Variants in RAD51AP2 observed in about 807,000 individuals in gnomAD.
RAD51AP2 encodes the protein RAD51 associated protein 2, also known as RAD51-associated protein 2.
RAD51AP2 carries 67 observed loss-of-function variants against 85.5 expected under a neutral mutation model. That is an observed-to-expected ratio of 0.78 (90% CI 0.64 to 0.96). The LOEUF is 0.96. Among genes scored for constraint, RAD51AP2 ranks in the 40% least tolerant of loss-of-function variants. The probability of loss-of-function intolerance (pLI) is 0.00; values close to 1 mark genes in which losing one functional copy is unlikely to be tolerated. For synonymous variants in RAD51AP2, 474 were observed against 446.5 expected (o/e 1.06, Z -0.78); for missense variants, 1,307 against 1,332.4 (o/e 0.98, Z 0.30).
At chr2:17,512,947 A>G (rs1195002763) in intron 2 of RAD51AP2, among the ~76,000 whole-genome samples, 1 of 152,248 alleles carries the variant, frequency 6.6e-6, no homozygotes, top group East Asian at 1.9e-4. Flanking sequence ...TCTACTGATT[A>G]CGAGAATGCA....
chr2:17,514,447 T>C (rs1033661285), intron 1 of RAD51AP2, among the ~76,000 whole-genome samples: 4 of 151,668 alleles, frequency 2.6e-5, no homozygotes, highest in African/African-American at 4.9e-5. Context: ...GAGGAAGAGG[T>C]TGATGAAACA....
In RAD51AP2 at chr2:17,510,766, C is replaced by T. The variant is rs1662467813; in HGVS notation, c.*38G>A. 2.2e-6 allele frequency: 3 copies of T among 1,386,906 alleles called. No homozygotes were observed. The highest frequency in any genetic ancestry group is 2.4e-5 in the Admixed American group (1 of 42,454). 85.9% of individuals were successfully genotyped at this position (1,386,906 alleles called of 1,614,324 possible). ...GAACATATATCCAAAGAAAACAAAACATTTCTAGATGTTGTAAAATGTTTT... is the reference window on the plus strand; with the variant it reads ...GAACATATATCCAAAGAAAACAAAATATTTCTAGATGTTGTAAAATGTTTT... On this transcript the variant is annotated 3_prime_UTR_variant, in exon 3 of 3. Transcript: ENST00000399080.
At position 17,517,456 on chromosome 2, in the gene RAD51AP2, T is replaced by C; in HGVS notation, c.960A>G (p.Glu320=). ...LQNDKKTVEA[E]NIFSKCYEND... ...TTTCATAACATTTGGAAAAAATGTT[T>C]TCCGCTTCTACAGTTTTTTTATCAT... Residue 320 remains glutamate (E), a synonymous_variant, in exon 1 of 3, where the codon GAA becomes GAG. Coordinates refer to ENST00000399080, the MANE Select transcript of RAD51AP2 (RefSeq NM_001099218.3). The C allele has an allele frequency of 6.2e-7, 1 of 1,613,980 alleles. No individual in the cohort carries two copies.
the RAD51AP2 span, among the ~76,000 whole-genome samples, chr2:17,524,277 T>C: frequency 6.6e-6 from 1 of 152,016 alleles, no homozygotes; most frequent in Non-Finnish European, 1.5e-5. Flanking sequence ...GCATCTATTA[T>C]TCAGCAAGCA....
chr2:17,526,062 T>C, the RAD51AP2 span, among the ~76,000 whole-genome samples: 1 of 151,750 alleles, frequency 6.6e-6, no homozygotes. Context: ...ATGCTAATTA[T>C]GATATTATAT....
chr2:17,518,567 C>T (rs1378064347), upstream of RAD51AP2: 32 of 907,976 alleles, frequency 3.5e-5, no homozygotes, highest in Admixed American at 4.4e-4. Flanking sequence ...ATCCGCCCCT[C>T]CACAGCCCCA....
At chr2:17,524,800 T>C in the RAD51AP2 span, among the ~76,000 whole-genome samples, 1 of 151,842 alleles carries the variant, frequency 6.6e-6, no homozygotes, top group Admixed American at 6.6e-5. Flanking sequence ...GTGAATGATA[T>C]AGAAAATAAG....
Position 17,510,719 on chromosome 2 carries a change from GC to G in RAD51AP2, c.*84del. The G allele has an allele frequency of 1.2e-6, 1 of 864,728 alleles. No homozygotes were observed. The highest frequency in any genetic ancestry group is 1.8e-5 in the African/African-American group (1 of 56,700). 53.6% of individuals were successfully genotyped at this position (864,728 alleles called of 1,614,324 possible). On this transcript the variant is annotated 3_prime_UTR_variant, in exon 3 of 3. Coordinates refer to ENST00000399080, the MANE Select transcript of RAD51AP2 (RefSeq NM_001099218.3). ...ACTTCTCCACTTTATAATAAAGCAA[GC>G]CCCAAACCCCCAAGCTGGAAGAACA... is the stretch of plus-strand genomic sequence containing the variant.
upstream of RAD51AP2, chr2:17,518,464 C>T (rs1662774196): frequency 1.9e-6 from 3 of 1,569,118 alleles, no homozygotes; most frequent in Non-Finnish European, 2.6e-6. Flanking sequence ...GCTCCAATCC[C>T]TTAATAGGCG....
Position 17,516,568 on chromosome 2 carries a change from C to A in RAD51AP2, c.1848G>T (p.Lys616Asn), listed in dbSNP as rs1197398298. Residue 616 changes from lysine to asparagine, a missense_variant, in exon 1 of 3, where the codon AAG becomes AAT. Lys to Asn is a moderately conservative substitution (Grantham distance 94). This residue lies in a region of RAD51AP2 where 668 missense variants were observed against 671.0 expected (regional missense o/e 1.00). Transcript: ENST00000399080. ...GATTTTCCACTATATTTTTTGGATA[C>A]TTCAAATAAAGCATGCACTTGAAAA... ...ECIFKCMLYL[K>N]YPKNIVENHT... 1 of 1,583,258 alleles carries A rather than the reference C, an allele frequency of 6.3e-7. No individual in the cohort carries two copies. Among genetic ancestry groups the A allele is most frequent in the Non-Finnish European group, 8.6e-7 (1 of 1,162,284 alleles).
At chr2:17,512,508 A>T (rs1204788749) in intron 2 of RAD51AP2, among the ~76,000 whole-genome samples, 1 of 152,214 alleles carries the variant, frequency 6.6e-6, no homozygotes, top group Admixed American at 6.5e-5. Flanking sequence ...GTGAAGGCAG[A>T]ATCACATTGT....
chr2:17,511,986 C>A (rs1662506125), intron 2 of RAD51AP2, among the ~76,000 whole-genome samples: 1 of 151,856 alleles, frequency 6.6e-6, no homozygotes, highest in South Asian at 2.1e-4. Flanking sequence ...AATAAGACAA[C>A]ATTGTTGGAT....
In RAD51AP2 at chr2:17,518,350, A is replaced by C. The variant is rs1040386158; in HGVS notation, c.66T>G (p.Pro22=). ...GTGGTTGGGAATCCGGGTCCTCAGG[A>C]GGCGTTAAAGAGGAGGTAGGCTTTC... The part of the protein sequence containing the change: ...ELRKPTSSLT[P]PEDPDSQPPS... Residue 22 remains proline, a synonymous_variant, in exon 1 of 3, where the codon CCT becomes CCG. Transcript: ENST00000399080. 1 of 1,613,756 alleles carries C rather than the reference A, an allele frequency of 6.2e-7. No homozygotes were observed. The highest frequency in any genetic ancestry group is 8.5e-7 in the Non-Finnish European group (1 of 1,179,890).
chr2:17,515,196 C>T lies in RAD51AP2; in HGVS notation c.3220G>A (p.Glu1074Lys). 6.3e-7 allele frequency: 1 copy of T among 1,581,638 alleles called. No homozygotes were observed. Among genetic ancestry groups the T allele is most frequent in the South Asian group, 1.2e-5 (1 of 84,428 alleles). ...ESCYPSRSEE[E>K]LLYSTSEKDC... ...TTCTCAGAAGTAGAGTAAAGTAATT[C>T]TTCCTCTGATCTACTTGGATAACAA... Residue 1074 changes from glutamate to lysine, a missense_variant, in exon 1 of 3, where the codon GAA becomes AAA. Around this residue, in one of 3 missense-constraint regions of RAD51AP2, gnomAD observed 668 missense variants for 671.0 expected, o/e 1.00. Transcript: ENST00000399080.
the RAD51AP2 span, among the ~76,000 whole-genome samples, chr2:17,529,428 T>A: frequency 6.6e-6 from 1 of 152,020 alleles, no homozygotes; most frequent in South Asian, 2.1e-4. Flanking sequence ...AAATTTCCAA[T>A]GGAATGTTAA....
chr2:17,528,493 C>T, the RAD51AP2 span, among the ~76,000 whole-genome samples: 11 of 152,072 alleles, frequency 7.2e-5, no homozygotes, highest in Admixed American at 3.9e-4. Context: ...ATTTTTACCA[C>T]GACCTTGGAA....
At chr2:17,528,797 T>C in the RAD51AP2 span, among the ~76,000 whole-genome samples, 1 of 152,136 alleles carries the variant, frequency 6.6e-6, no homozygotes, top group Non-Finnish European at 1.5e-5. Flanking sequence ...TGAGCCGTGA[T>C]TGTACCACTG....
chr2:17,534,265 C>G, the RAD51AP2 span, among the ~76,000 whole-genome samples: 1 of 152,122 alleles, frequency 6.6e-6, no homozygotes, highest in African/African-American at 2.4e-5. Context: ...GTTTCCTAAT[C>G]AAGAAAAACA....
rs1359417084 is a variant in RAD51AP2, at chr2:17,515,355, C to A, written c.3061G>T (p.Val1021Leu). The part of the protein sequence containing the change: ...MEIEKDLKMV[V>L]VNKIRASSSF... ...GAAGATGCACGTATTTTGTTGACCA[C>A]AACCATTTTCAAATCTTTTTCTATC... Residue 1021 changes from valine (V) to leucine (L), a missense_variant, in exon 1 of 3, where the codon GTG (valine) becomes TTG (leucine). By Grantham distance (32) the Val-to-Leu change is conservative (BLOSUM62 1). Coordinates refer to ENST00000399080, the MANE Select transcript of RAD51AP2 (RefSeq NM_001099218.3). 1 of 1,611,710 alleles carries A rather than the reference C, an allele frequency of 6.2e-7. No homozygotes were observed.
Sources: allele counts gnomAD v4.1 joint callset (sites outside exome capture counted in the v4.1 genomes callset), GRCh38; gene constraint gnomAD v4.1.1; regional missense constraint gnomAD v4.1.1; transcripts MANE v1.5; gene names NCBI Gene and HGNC (gene_info 2026-07-23, HGNC 2026-07-21).